Variants in COL4A5 observed in about 807,000 individuals in gnomAD.
COL4A5 encodes the protein collagen type IV alpha 5 chain, also known as collagen alpha-5(IV) chain.
Under a neutral mutation model 130.2 loss-of-function variants are expected in COL4A5, and 26 were observed. That is an observed-to-expected ratio of 0.20 (90% CI 0.15 to 0.28). COL4A5 has a LOEUF of 0.28. Among genes scored for constraint, COL4A5 ranks in the 10% least tolerant of loss-of-function variants. The pLI is 1.00. For missense variants in COL4A5, 1,131 were observed against 1,344.3 expected (o/e 0.84, Z 2.48); for synonymous variants, 496 against 439.6 (o/e 1.13, Z -1.60).
chrX:108,440,427 T>C, intron 1 of COL4A5: 2 of 402,873 alleles, frequency 5.0e-6, no homozygotes, highest in Non-Finnish European at 8.7e-6. Context: ...GGCTGCTTGC[T>C]TCCCTGCAGC....
rs1013214472 is a variant in COL4A5 at position 108,591,375 on chromosome X, G to A, written c.1339+144G>A. ...CACTGCTTCTGCTTTTTGGGTTTTG[G>A]TAGTTCTTGGATGTTTACATTTGCT... On this transcript the variant is annotated intron_variant, in intron 20 of 52. Transcript: ENST00000328300. 13 of 676,363 alleles carry A rather than the reference G, an allele frequency of 1.9e-5. No homozygotes were observed. The African/African-American group carries it at 2.9e-4, about 15-fold the overall frequency. The allele number at this position is 676,363 out of a possible 1,213,427, so 55.7% of individuals were successfully genotyped here. A position where few individuals can be genotyped will look rare whatever the true frequency, so the allele number is the denominator to read the frequency against.
chrX:108,695,169 A>G, intron 51 of COL4A5, 98 bp from the exon 52 acceptor site: 1 of 1,066,822 alleles, frequency 9.4e-7, no homozygotes. Flanking sequence ...TTCCTTCACT[A>G]GATTTGAATT....
chrX:108,570,435 A>T (rs1465545924), intron 6 of COL4A5, among the ~76,000 whole-genome samples: 4 of 108,914 alleles, frequency 3.7e-5, no homozygotes, highest in Non-Finnish European at 5.6e-5. Flanking sequence ...AGTGTGCTAT[A>T]TGATTAAAGG....
At chrX:108,631,725 A>G (rs375285034) in intron 36 of COL4A5, among the ~76,000 whole-genome samples, 27 of 111,735 alleles carry the variant, frequency 2.4e-4, no homozygotes, top group African/African-American at 7.8e-4. Context: ...CTGCTCCTAA[A>G]TGACTACTGG....
In COL4A5 at chrX:108,484,737, C is replaced by G. The variant is rs2064928072; in HGVS notation, c.81+44531C>G. On this transcript the variant is annotated intron_variant, in intron 1 of 52. Coordinates refer to ENST00000328300, the MANE Select transcript of COL4A5 (RefSeq NM_033380.3). ...TGTGGCCACCACCCCTGGGATTGTG[C>G]TGGGTCAGACCTGAAGCTAGGACAG... Among the ~76,000 whole-genome samples the G allele has an allele frequency of 2.7e-5, 3 of 112,707 alleles. No individual in the cohort carries two copies. In the South Asian group the frequency reaches 1.1e-3, roughly 41 times the overall value.
At chrX:108,486,542 A>G (rs898718811) in intron 1 of COL4A5, among the ~76,000 whole-genome samples, 4 of 111,563 alleles carry the variant, frequency 3.6e-5, no homozygotes, top group Non-Finnish European at 7.5e-5. Context: ...ACTGTACTCA[A>G]TGTGCAGTCT....
At chrX:108,625,374 T>A (rs2067132903) in intron 34 of COL4A5, among the ~76,000 whole-genome samples, 2 of 112,493 alleles carry the variant, frequency 1.8e-5, no homozygotes, top group South Asian at 7.3e-4. Context: ...ATATTGGATT[T>A]ATCTGTGAAA....
Position 108,580,998 on chromosome X carries a change from G to C in COL4A5, c.907G>C (p.Asp303His), listed in dbSNP as rs779919391. The C allele has an allele frequency of 5.8e-6, 7 of 1,207,667 alleles. No individual in the cohort carries two copies. In the African/African-American group the frequency reaches 1.2e-4, roughly 21 times the overall value. ...EPGKRGKPGK[D>H]GENGQPGIPG... ...TATCCTATAGGGTAAACCAGGCAAAGATGGAGAAAATGGCCAACCAGGAAT... is the reference window on the plus strand; with the variant it reads ...TATCCTATAGGGTAAACCAGGCAAACATGGAGAAAATGGCCAACCAGGAAT... The change falls in exon 16 of 53, where the codon GAT (aspartate) becomes CAT (histidine). Residue 303 changes from aspartate to histidine, a missense_variant. Asp to His is a moderately conservative substitution (Grantham distance 81). Transcript: ENST00000328300.
At chrX:108,653,484 G>A (rs1463859634) in intron 36 of COL4A5, among the ~76,000 whole-genome samples, 2 of 111,297 alleles carry the variant, frequency 1.8e-5, no homozygotes, top group African/African-American at 6.5e-5. Flanking sequence ...GAGAGGGATG[G>A]AATGGGACAA....
chrX:108,592,633 A>G (rs886633287), intron 21 of COL4A5, among the ~76,000 whole-genome samples: 1 of 110,089 alleles, frequency 9.1e-6, no homozygotes, highest in Non-Finnish European at 1.9e-5. Flanking sequence ...CCAGCAGTCT[A>G]TATCCTACTA....
chrX:108,543,902 C>A (rs1347801303), intron 2 of COL4A5, among the ~76,000 whole-genome samples: 1 of 111,622 alleles, frequency 9.0e-6, no homozygotes, highest in African/African-American at 3.3e-5. Context: ...TGATTTGGCT[C>A]TCTGTTTGTC....
intron 15 of COL4A5, 72 bp from the exon 16 acceptor site, chrX:108,580,911 A>G: frequency 9.3e-7 from 1 of 1,072,077 alleles, no homozygotes. Context: ...AAAGCTTGTT[A>G]TATTCTTTAA....
rs2068083524 is a variant in COL4A5 at position 108,666,539 on chromosome X, A to G, written c.3498A>G (p.Lys1166=). 2 of 1,207,542 alleles carry G rather than the reference A, an allele frequency of 1.7e-6. No individual in the cohort carries two copies. Among genetic ancestry groups the G allele is most frequent in the African/African-American group, 1.8e-5 (1 of 57,135 alleles). The change falls in exon 39 of 53, where the codon AAA becomes AAG. Residue 1166 remains lysine (K), a synonymous_variant. Coordinates refer to ENST00000328300, the MANE Select transcript of COL4A5 (RefSeq NM_033380.3). The part of the protein sequence containing the change: ...HPGQPGPPGE[K]GKPGQDGIPG... The stretch of plus-strand genomic sequence containing the variant: ...GGCAACCAGGGCCTCCAGGCGAAAA[A>G]GGCAAACCCGGTCAAGATGGTATTC...
chrX:108,520,764 G>A (rs1345731631), intron 1 of COL4A5, among the ~76,000 whole-genome samples: 1 of 111,494 alleles, frequency 9.0e-6, no homozygotes, highest in East Asian at 2.8e-4. Context: ...TGGCTCAAAT[G>A]TTGAAATTTG....
At position 108,621,846 on chromosome X, in the gene COL4A5, A is replaced by G. The variant is rs1172813719; in HGVS notation, c.2721A>G (p.Pro907=). Residue 907 remains proline, a synonymous_variant, in exon 32 of 53, where the codon CCA becomes CCG. Transcript: ENST00000328300. ...GTATGATGGGACCTCCAGGCCCACC[A>G]GGACCTTTGGGAATTCCTGGCAGGA... is the stretch of plus-strand genomic sequence containing the variant. ...EMGMMGPPGP[P]GPLGIPGRSG... 8.3e-7 allele frequency: 1 copy of G among 1,210,575 alleles called. No homozygotes were observed. The highest frequency in any genetic ancestry group is 1.8e-5 in the South Asian group (1 of 56,784).
intron 36 of COL4A5, among the ~76,000 whole-genome samples, chrX:108,642,587 A>C (rs1264766268): frequency 1.8e-5 from 2 of 111,027 alleles, no homozygotes; most frequent in East Asian, 5.7e-4. Context: ...TCTCAGTAGC[A>C]GCTGAGAGCT....
At chrX:108,693,277 G>T (rs751216720) in intron 50 of COL4A5, among the ~76,000 whole-genome samples, 1 of 111,310 alleles carries the variant, frequency 9.0e-6, no homozygotes, top group South Asian at 3.8e-4. Context: ...GAGAAATGTG[G>T]GATGGCCATA....
Position 108,582,812 on chromosome X carries a change from A to G in COL4A5, c.937-72A>G. On this transcript the variant is annotated intron_variant, in intron 16 of 52. Coordinates refer to ENST00000328300, the MANE Select transcript of COL4A5 (RefSeq NM_033380.3). ...GCCAGTATTCTCATTGCTTCTATGG[A>G]GAAGACAATCTTTGGAGATTTCCTA... is the stretch of plus-strand genomic sequence containing the variant. 4 of 873,753 alleles carry G rather than the reference A, an allele frequency of 4.6e-6. No homozygotes were observed. In the South Asian group the frequency reaches 8.0e-5, roughly 18 times the overall value. 72.0% of individuals were successfully genotyped at this position (873,753 alleles called of 1,213,427 possible). A position where few individuals can be genotyped will look rare whatever the true frequency, so the allele number is the denominator to read the frequency against.
rs775323460 is a variant in COL4A5, at chrX:108,681,742, G to A, written c.4088-18G>A. The stretch of plus-strand genomic sequence containing the variant: ...AACCTTTCTCTTTCCCTTCAAATTT[G>A]TGTGTTTTGTCTCATAGGTCCTCCT... On this transcript the variant is annotated intron_variant, in intron 46 of 52. Coordinates refer to ENST00000328300, the MANE Select transcript of COL4A5 (RefSeq NM_033380.3). 1 of 1,208,185 alleles carries A rather than the reference G, an allele frequency of 8.3e-7. No individual in the cohort carries two copies. The highest frequency in any genetic ancestry group is 1.1e-6 in the Non-Finnish European group (1 of 893,627).
Sources: allele counts gnomAD v4.1 joint callset (sites outside exome capture counted in the v4.1 genomes callset), GRCh38; gene constraint gnomAD v4.1.1; transcripts MANE v1.5; gene names NCBI Gene and HGNC (gene_info 2026-07-23, HGNC 2026-07-21).